The following MGAT4A variants were observed in gnomAD, a reference collection of about 807,000 sequenced individuals.
MGAT4A encodes the protein alpha-1,3-mannosyl-glycoprotein 4-beta-N-acetylglucosaminyltransferase A, also known as N-acetylglucosaminyltransferase IVa.
Under a neutral mutation model 74.1 loss-of-function variants are expected in MGAT4A, and 33 were observed. That is an observed-to-expected ratio of 0.45 (90% CI 0.34 to 0.60). The LOEUF is 0.60. MGAT4A is among the 20% of genes least tolerant of loss of function. The pLI is 0.02. For missense variants in MGAT4A, 479 were observed against 628.3 expected (o/e 0.76, Z 2.54); for synonymous variants, 198 against 210.4 (o/e 0.94, Z 0.51).
chr2:98,629,712 G>C (rs1159495029), intron 14 of MGAT4A, among the ~76,000 whole-genome samples: 1 of 152,054 alleles, frequency 6.6e-6, no homozygotes, highest in African/African-American at 2.4e-5. Context: ...TGATACAAGG[G>C]AATTTTAGGC....
chr2:98,658,290 T>C (rs904484115), intron 5 of MGAT4A, 26 bp from the exon 6 acceptor site: 4 of 1,421,356 alleles, frequency 2.8e-6, no homozygotes, highest in Non-Finnish European at 3.9e-6. Flanking sequence ...AATGTATCTA[T>C]ATTCAAGTTT....
chr2:98,665,086 T>C (rs182149184), intron 4 of MGAT4A, among the ~76,000 whole-genome samples: 38 of 152,134 alleles, frequency 2.5e-4, no homozygotes, highest in African/African-American at 8.9e-4. Context: ...TCCCAGCACT[T>C]TGGGAGGCCG....
Position 98,717,494 on chromosome 2 carries a change from G to A in MGAT4A, c.94+8745C>T, listed in dbSNP as rs535106934. 2.6e-5 allele frequency among the ~76,000 whole-genome samples: 4 copies of A among 152,174 alleles called. No homozygotes were observed. The South Asian group carries it at 8.3e-4, about 32-fold the overall frequency. ...ACTCTGGCACAGAAGGACATTAGTG[G>A]GAACTCTGGTGAAATTCAAATAAGG... On this transcript the variant is annotated intron_variant, in intron 2 of 15. Transcript: ENST00000393487.
intron 8 of MGAT4A, among the ~76,000 whole-genome samples, chr2:98,647,706 C>A (rs1701514523): frequency 6.6e-6 from 1 of 152,202 alleles, no homozygotes; most frequent in African/African-American, 2.4e-5. Flanking sequence ...TTCCAGAAGG[C>A]ACCGTGTTCA....
Position 98,624,607 on chromosome 2 carries a change from T to G in MGAT4A, c.*959A>C, listed in dbSNP as rs914426048. The stretch of plus-strand genomic sequence containing the variant: ...AAACATTTTGTCTGACGTCATAAAA[T>G]GAGTGCAGATATAAAAGAATCAACA... On this transcript the variant is annotated 3_prime_UTR_variant, in exon 16 of 16. Coordinates refer to ENST00000393487, the MANE Select transcript of MGAT4A (RefSeq NM_012214.3). The G allele has an allele frequency of 3.0e-6, 3 of 984,948 alleles. No individual in the cohort carries two copies. The African/African-American group carries it at 5.2e-5, about 17-fold the overall frequency. 61.0% of individuals were successfully genotyped at this position (984,948 alleles called of 1,614,324 possible). A position where few individuals can be genotyped will look rare whatever the true frequency, so the allele number is the denominator to read the frequency against.
At chr2:98,664,890 CA>C (rs1701802011) in intron 4 of MGAT4A, among the ~76,000 whole-genome samples, 1 of 152,094 alleles carries the variant, frequency 6.6e-6, no homozygotes, top group African/African-American at 2.4e-5. Flanking sequence ...AGAGGTATTT[CA>C]AAGTAAATTT....
chr2:98,675,752 A>G (rs553172001), intron 3 of MGAT4A, among the ~76,000 whole-genome samples: 15 of 152,186 alleles, frequency 9.9e-5, no homozygotes, highest in Non-Finnish European at 1.9e-4. Flanking sequence ...CGGGAGTCTC[A>G]CTATGTTGCC....
At chr2:98,635,710 A>G (rs958963470) in intron 13 of MGAT4A, among the ~76,000 whole-genome samples, 2 of 152,116 alleles carry the variant, frequency 1.3e-5, no homozygotes, top group Non-Finnish European at 2.9e-5. Flanking sequence ...ACAATGATTC[A>G]GGCCAGGCAC....
intron 10 of MGAT4A, among the ~76,000 whole-genome samples, chr2:98,642,776 C>G (rs3769694): frequency 0.16 from 24,045 of 152,074 alleles, 2,031 homozygotes; most frequent in Middle Eastern, 0.22. Context: ...AACTAATTGT[C>G]GGAAAACAGA....
intron 2 of MGAT4A, among the ~76,000 whole-genome samples, chr2:98,687,413 A>G (rs886647194): frequency 6.6e-6 from 1 of 152,156 alleles, no homozygotes; most frequent in African/African-American, 2.4e-5. Context: ...GTCACACACT[A>G]TGGAGTAGCT....
intron 2 of MGAT4A, among the ~76,000 whole-genome samples, chr2:98,715,878 C>T (rs192393564): frequency 3.3e-5 from 5 of 152,236 alleles, no homozygotes; most frequent in African/African-American, 1.2e-4. Flanking sequence ...TATTGGCTTC[C>T]ACAAAATGCT....
intron 2 of MGAT4A, among the ~76,000 whole-genome samples, chr2:98,722,613 T>C (rs1702692108): frequency 6.6e-6 from 1 of 152,164 alleles, no homozygotes. Flanking sequence ...TGCTCTAAAA[T>C]TGACTGTGGT....
intron 2 of MGAT4A, among the ~76,000 whole-genome samples, chr2:98,714,165 G>T (rs890577715): frequency 6.6e-6 from 1 of 152,104 alleles, no homozygotes; most frequent in African/African-American, 2.4e-5. Flanking sequence ...TCACCTCACT[G>T]CCACCTTCGC....
intron 2 of MGAT4A, among the ~76,000 whole-genome samples, 178 bp from the exon 3 acceptor site, chr2:98,678,649 T>C (rs1213265298): frequency 2.0e-5 from 3 of 152,192 alleles, no homozygotes; most frequent in East Asian, 3.8e-4. Context: ...TTATATGCTC[T>C]TATTATTTGT....
At chr2:98,727,334 G>A (rs1702780457) in intron 1 of MGAT4A, among the ~76,000 whole-genome samples, 1 of 152,158 alleles carries the variant, frequency 6.6e-6, no homozygotes, top group Admixed American at 6.5e-5. Context: ...ACCACTGATC[G>A]AACAAAGCTG....
At chr2:98,661,181 G>C (rs1701744060) in intron 5 of MGAT4A, among the ~76,000 whole-genome samples, 1 of 152,158 alleles carries the variant, frequency 6.6e-6, no homozygotes, top group Non-Finnish European at 1.5e-5. Flanking sequence ...CTAATCATTA[G>C]GGAAATGCAA....
intron 2 of MGAT4A, among the ~76,000 whole-genome samples, chr2:98,707,521 G>T (rs1433203632): frequency 2.6e-5 from 4 of 151,990 alleles, no homozygotes; most frequent in Non-Finnish European, 5.9e-5. Context: ...AATCATAATG[G>T]TATCTGCCTT....
intron 14 of MGAT4A, among the ~76,000 whole-genome samples, chr2:98,632,540 T>C (rs1318398252): frequency 6.6e-6 from 1 of 152,224 alleles, no homozygotes; most frequent in Non-Finnish European, 1.5e-5. Flanking sequence ...TCCATTGTAT[T>C]CCACAGCACC....
Position 98,625,582 on chromosome 2 carries a change from T to C in MGAT4A, c.1592A>G (p.Lys531Arg). The change falls in exon 16 of 16, where the codon AAA (lysine) becomes AGA (arginine). Residue 531 changes from lysine to arginine, a missense_variant. This residue lies in a region of MGAT4A where 236 missense variants were observed against 308.2 expected (regional missense o/e 0.77). Coordinates refer to ENST00000393487, the MANE Select transcript of MGAT4A (RefSeq NM_012214.3). ...CTCAGATGATCAGTTGGTGGCTTTT[T>C]TAATATGAATCTGAAATACAAAATC... ...VWAILNEIHI[K>R]KATN The C allele has an allele frequency of 6.2e-7, 1 of 1,608,920 alleles. No individual in the cohort carries two copies. Among genetic ancestry groups the C allele is most frequent in the Non-Finnish European group, 8.5e-7 (1 of 1,178,014 alleles).
Sources: gnomAD v4.1 joint callset for allele counts (sites outside exome capture counted in the v4.1 genomes callset) on GRCh38, gnomAD v4.1.1 for gene constraint, gnomAD v4.1.1 regional missense constraint, MANE v1.5 for transcripts, NCBI Gene and HGNC (gene_info 2026-07-23, HGNC 2026-07-21) for gene names.